SLAIN2: variants seen among roughly 807,000 people sequenced by gnomAD.
The protein encoded by SLAIN2 is SLAIN motif-containing protein 2.
In SLAIN2, 31 loss-of-function variants were observed where a neutral mutation model predicts 56.6. The ratio of observed to expected loss-of-function variants is 0.55; its 90% CI spans 0.41 to 0.74. SLAIN2 has a LOEUF of 0.74. SLAIN2 is among the 30% of genes least tolerant of loss of function. SLAIN2 has a pLI of 0.00. For missense variants in SLAIN2, 777 were observed against 754.2 expected (o/e 1.03, Z -0.35); for synonymous variants, 317 against 284.9 (o/e 1.11, Z -1.13).
At chr4:48,364,108 C>G (rs1179607996) in intron 1 of SLAIN2, among the ~76,000 whole-genome samples, 1 of 68,596 alleles carries the variant, frequency 1.5e-5, no homozygotes, top group Admixed American at 1.2e-4. Context: ...AGGGGCTCCT[C>G]ACTTCTCAGA....
At chr4:48,378,211 CAGGTACTATATT>C (rs1407744627) in intron 3 of SLAIN2, among the ~76,000 whole-genome samples, 151 bp downstream of exon 3, 3 of 152,116 alleles carry the variant, frequency 2.0e-5, no homozygotes, top group Non-Finnish European at 4.4e-5. Context: ...AACTTAGCAC[CAGGTACTATATT>C]AGGCACCAGG....
intron 2 of SLAIN2, among the ~76,000 whole-genome samples, chr4:48,374,747 C>T (rs1267630093): frequency 6.6e-5 from 10 of 152,054 alleles, no homozygotes; most frequent in Non-Finnish European, 1.3e-4. Flanking sequence ...GCCATGTATG[C>T]TGAATGGAAA....
intron 6 of SLAIN2, among the ~76,000 whole-genome samples, chr4:48,391,305 G>A (rs2109769628): frequency 6.6e-6 from 1 of 152,312 alleles, no homozygotes; most frequent in Admixed American, 6.5e-5. Flanking sequence ...TGTATCAGGG[G>A]AGACTTTAAG....
In SLAIN2 at chr4:48,381,008, C is replaced by CT. The variant is rs1184590511; in HGVS notation, c.862+1165dup. 3.3e-5 allele frequency among the ~76,000 whole-genome samples: 5 copies of CT among 152,168 alleles called. No individual in the cohort carries two copies. In the East Asian group the frequency reaches 7.7e-4, roughly 23 times the overall value. On this transcript the variant is annotated intron_variant, in intron 4 of 7. Coordinates refer to ENST00000264313, the MANE Select transcript of SLAIN2 (RefSeq NM_020846.2). ...CCCTGCAACCTAATAGCAGAGTACT[C>CT]TTTTTCTTCTGTAATTTTAATTAAC...
At chr4:48,402,557 A>G (rs146883428) in intron 6 of SLAIN2, among the ~76,000 whole-genome samples, 3 of 152,126 alleles carry the variant, frequency 2.0e-5, no homozygotes, top group African/African-American at 4.8e-5. Flanking sequence ...TGCTGTTGAT[A>G]CTTGTTATTG....
intron 1 of SLAIN2, among the ~76,000 whole-genome samples, chr4:48,354,273 C>G (rs1422551896): frequency 6.6e-6 from 1 of 152,136 alleles, no homozygotes. Context: ...TTTTTACACT[C>G]TGTGCATTTT....
At chr4:48,420,040 CCCA>C in intron 6 of SLAIN2, 82 bp from the exon 7 acceptor site, 1 of 1,319,382 alleles carries the variant, frequency 7.6e-7, no homozygotes, top group Non-Finnish European at 1.1e-6. Context: ...TGTACTAGTG[CCCA>C]ATCATCAGTT....
intron 6 of SLAIN2, among the ~76,000 whole-genome samples, chr4:48,392,455 ACT>A: frequency 1.3e-5 from 2 of 152,166 alleles, no homozygotes; most frequent in East Asian, 3.9e-4. Flanking sequence ...TCCTTATTAA[ACT>A]TTTTTTTAAT....
chr4:48,374,631 A>G (rs946974155), intron 2 of SLAIN2, among the ~76,000 whole-genome samples: 1 of 152,162 alleles, frequency 6.6e-6, no homozygotes, highest in African/African-American at 2.4e-5. Context: ...GGACGTCATC[A>G]ATTTTATTTT....
chr4:48,408,022 A>T (rs1426253452), intron 6 of SLAIN2, among the ~76,000 whole-genome samples: 5 of 152,160 alleles, frequency 3.3e-5, no homozygotes, highest in Non-Finnish European at 7.3e-5. Flanking sequence ...AGCATGTATC[A>T]GTATAGTCAT....
chr4:48,353,167 T>G (rs1715057198), intron 1 of SLAIN2, among the ~76,000 whole-genome samples: 1 of 152,084 alleles, frequency 6.6e-6, no homozygotes, highest in Non-Finnish European at 1.5e-5. Context: ...CAACTAATAC[T>G]GTGTGGTTCT....
At chr4:48,353,087 T>C (rs1423324161) in intron 1 of SLAIN2, among the ~76,000 whole-genome samples, 17 of 152,196 alleles carry the variant, frequency 1.1e-4, no homozygotes, top group Non-Finnish European at 2.9e-5. Context: ...CTTGTGGAAC[T>C]GTAAGTCCAA....
At chr4:48,366,071 C>T (rs964588746) in intron 1 of SLAIN2, among the ~76,000 whole-genome samples, 2 of 152,014 alleles carry the variant, frequency 1.3e-5, no homozygotes, top group African/African-American at 4.8e-5. Context: ...ATTGTTTGAC[C>T]TTTGTTATTT....
intron 6 of SLAIN2, among the ~76,000 whole-genome samples, chr4:48,393,422 G>A (rs1439275784): frequency 6.6e-6 from 1 of 150,724 alleles, no homozygotes; most frequent in Non-Finnish European, 1.5e-5. Flanking sequence ...GTGTGTGTGT[G>A]TAGACAGAGT....
chr4:48,416,604 A>G (rs1717002034), intron 6 of SLAIN2, among the ~76,000 whole-genome samples: 1 of 151,612 alleles, frequency 6.6e-6, no homozygotes, highest in Non-Finnish European at 1.5e-5. Flanking sequence ...TATGTTGAAT[A>G]GGAGCGGTGA....
At chr4:48,376,685 G>T (rs988904763) in intron 2 of SLAIN2, among the ~76,000 whole-genome samples, 1 of 132,272 alleles carries the variant, frequency 7.6e-6, no homozygotes, top group Non-Finnish European at 1.5e-5. Context: ...GCAGTGGCTC[G>T]ATATCGGCTC....
chr4:48,379,767 T>G lies in SLAIN2; in HGVS notation c.781T>G (p.Leu261Val). ...AGATAGTGAGTTAAGTGCTTCAGAATTAGATGAAGATTCAATTGGATCCAA... is the reference window on the plus strand; with the variant it reads ...AGATAGTGAGTTAAGTGCTTCAGAAGTAGATGAAGATTCAATTGGATCCAA... ...SIDSELSASE[L>V]DEDSIGSNYK... Residue 261 changes from leucine (L) to valine (V), a missense_variant, in exon 4 of 8, where the codon TTA becomes GTA. Physicochemically the swap from Leu to Val is conservative, Grantham distance 32 (BLOSUM62 1). Transcript: ENST00000264313. 1 of 1,597,740 alleles carries G rather than the reference T, an allele frequency of 6.3e-7. No individual in the cohort carries two copies. Among genetic ancestry groups the G allele is most frequent in the Non-Finnish European group, 8.5e-7 (1 of 1,172,932 alleles).
At chr4:48,388,997 C>G (rs1429154027) in intron 6 of SLAIN2, among the ~76,000 whole-genome samples, 5 of 152,154 alleles carry the variant, frequency 3.3e-5, no homozygotes, top group Admixed American at 2.6e-4. Context: ...GCATAGCCAT[C>G]CTGTTATGAG....
intron 2 of SLAIN2, 61 bp from the exon 3 acceptor site, chr4:48,377,829 CTTCAGA>C (rs1447778045): frequency 1.9e-5 from 28 of 1,455,362 alleles, no homozygotes; most frequent in Non-Finnish European, 2.5e-5. Flanking sequence ...AATAGGAAAA[CTTCAGA>C]AATGAAACGT....
Sources: gnomAD v4.1 joint callset for allele counts (sites outside exome capture counted in the v4.1 genomes callset) on GRCh38, gnomAD v4.1.1 for gene constraint, MANE v1.5 for transcripts, NCBI Gene and HGNC (gene_info 2026-07-23, HGNC 2026-07-21) for gene names.